The following HLA-DMB variants were observed in gnomAD, a reference collection of about 807,000 sequenced individuals.
HLA-DMB encodes HLA class II histocompatibility antigen, DM beta chain.
HLA-DMB carries 18 observed loss-of-function variants against 29.3 expected under a neutral mutation model. The ratio of observed to expected loss-of-function variants is 0.62; its 90% CI spans 0.43 to 0.91. The LOEUF is 0.91. Ranked by LOEUF, HLA-DMB falls within the 40% of genes least tolerant of loss-of-function variation. The pLI, the probability that HLA-DMB is intolerant of heterozygous loss-of-function variation, is 0.00. For missense variants in HLA-DMB, 258 were observed against 320.9 expected (o/e 0.80, Z 1.50); for synonymous variants, 143 against 128.7 (o/e 1.11, Z -0.75).
Position 32,937,244 on chromosome 6 carries a change from G to T in HLA-DMB, c.550C>A (p.Pro184Thr), listed in dbSNP as rs777377329. ...CAGGTGTAAGTGTCCCCGTAAGAGG[G>T]GGTTAAGGCTAAATGGGAGAGGGTC... is the stretch of plus-strand genomic sequence containing the variant. ...YQTLSHLALT[P>T]SYGDTYTCVV... The change falls in exon 3 of 6, where the codon CCC becomes ACC. Residue 184 changes from proline to threonine, a missense_variant. By Grantham distance (38) the Pro-to-Thr change is conservative. Transcript: ENST00000418107. The surrounding 1 kb of genome is among the most constrained non-coding windows in gnomAD (Gnocchi z 4.1). 2 of 1,614,064 alleles carry T rather than the reference G, an allele frequency of 1.2e-6. No individual in the cohort carries two copies. Among genetic ancestry groups the T allele is most frequent in the Non-Finnish European group, 1.7e-6 (2 of 1,179,964 alleles).
Position 32,937,212 on chromosome 6 carries a change from T to C in HLA-DMB, c.582A>G (p.Val194=), listed in dbSNP as rs1025281371. Residue 194 remains valine (V), a synonymous_variant, in exon 3 of 6, where the codon GTA becomes GTG. Transcript: ENST00000418107. The surrounding 1 kb of genome is among the most constrained non-coding windows in gnomAD (Gnocchi z 4.1). ...TGGGCTCAGGAGCCCCAGTGTGCTC[T>C]ACCACACAGGTGTAAGTGTCCCCGT... ...PSYGDTYTCV[V]EHTGAPEPIL... The C allele has an allele frequency of 6.2e-7, 1 of 1,610,954 alleles. No individual in the cohort carries two copies. The highest frequency in any genetic ancestry group is 1.3e-5 in the African/African-American group (1 of 74,980).
chr6:32,939,049 A>G (rs1399535458), intron 1 of HLA-DMB, 84 bp from the exon 2 acceptor site: 3 of 847,990 alleles, frequency 3.5e-6, no homozygotes, highest in East Asian at 3.3e-5. Context: ...TAATAAATAT[A>G]CACAAATAAT....
At chr6:32,935,738 T>A (rs1245101083) in intron 3 of HLA-DMB, 86 bp from the exon 4 acceptor site, 6 of 886,698 alleles carry the variant, frequency 6.8e-6, no homozygotes, top group African/African-American at 3.3e-5. Context: ...TCTCAGTGGG[T>A]TAAAAGGTCC....
chr6:32,935,913 G>A, intron 3 of HLA-DMB: 1 of 496,544 alleles, frequency 2.0e-6, no homozygotes, highest in Non-Finnish European at 3.6e-6. Flanking sequence ...AATACAGTGG[G>A]GCCTCTCAAG....
chr6:32,937,624 G>T lies in HLA-DMB; in HGVS notation c.338-168C>A, dbSNP rs1776087454. ...AGGGGAACCGTTAGAATGTATTCCT[G>T]CATTACTCTTTCTTCTCTCCCATTC... On this transcript the variant is annotated intron_variant, in intron 2 of 5. Transcript: ENST00000418107. This position sits in a 1 kb window ranked among gnomAD's most constrained non-coding sequence, Gnocchi z 4.1. 1.7e-6 allele frequency: 1 copy of T among 600,996 alleles called. No individual in the cohort carries two copies. Among genetic ancestry groups the T allele is most frequent in the Admixed American group, 3.0e-5 (1 of 33,062 alleles). 37.2% of individuals were successfully genotyped at this position (600,996 alleles called of 1,614,324 possible). A position where few individuals can be genotyped will look rare whatever the true frequency, so the allele number is the denominator to read the frequency against.
At chr6:32,935,739 TA>T in intron 3 of HLA-DMB, 87 bp from the exon 4 acceptor site, 5 of 868,814 alleles carry the variant, frequency 5.8e-6, no homozygotes, top group Non-Finnish European at 9.5e-6. Context: ...CTCAGTGGGT[TA>T]AAAGGTCCTT....
chr6:32,935,196 A>G (rs1260662533), intron 5 of HLA-DMB, 146 bp downstream of exon 5: 5 of 836,892 alleles, frequency 6.0e-6, no homozygotes, highest in Non-Finnish European at 1.0e-5. Flanking sequence ...TAATCCTAGC[A>G]ATGGCAGCTT....
intron 5 of HLA-DMB, 28 bp downstream of exon 5, chr6:32,935,314 T>C (rs981965755): frequency 3.1e-6 from 5 of 1,597,454 alleles, no homozygotes; most frequent in South Asian, 1.1e-5. Context: ...AAAGGGCAAG[T>C]AGGGAAACAG....
At chr6:32,936,962 G>A (rs921465092) in intron 3 of HLA-DMB, 7 of 404,964 alleles carry the variant, frequency 1.7e-5, no homozygotes, top group Non-Finnish European at 3.0e-5. Context: ...GCCACTGAAA[G>A]TAATGGCAAA....
intron 3 of HLA-DMB, chr6:32,936,639 T>C (rs1776013789): frequency 6.6e-6 from 1 of 152,662 alleles, no homozygotes; most frequent in African/African-American, 2.4e-5. Flanking sequence ...GCTTTACTAC[T>C]CCCGTATGCT....
At chr6:32,939,433 T>C (rs971996673) in intron 1 of HLA-DMB, among the ~76,000 whole-genome samples, 14 of 152,256 alleles carry the variant, frequency 9.2e-5, no homozygotes, top group African/African-American at 3.4e-4. Flanking sequence ...ACCCCAATTC[T>C]GTGGGGACAG....
Position 32,937,465 on chromosome 6 carries a change from G to T in HLA-DMB, c.338-9C>A. The T allele has an allele frequency of 6.2e-7, 1 of 1,604,204 alleles. No homozygotes were observed. The highest frequency in any genetic ancestry group is 8.5e-7 in the Non-Finnish European group (1 of 1,173,992). ...TTGCACAGATGGTGGCCCTGCATAGGAGAAAAAAACATGTTTAGGAAGGAG... is the reference window on the plus strand; with the variant it reads ...TTGCACAGATGGTGGCCCTGCATAGTAGAAAAAAACATGTTTAGGAAGGAG... On this transcript the variant is annotated splice_polypyrimidine_tract_variant and intron_variant, in intron 2 of 5. Coordinates refer to ENST00000418107, the MANE Select transcript of HLA-DMB (RefSeq NM_002118.5). The surrounding 1 kb of genome is among the most constrained non-coding windows in gnomAD (Gnocchi z 4.1).
rs774238503 is a variant in HLA-DMB at position 32,937,393 on chromosome 6, G to C, written c.401C>G (p.Ala134Gly). 21 of 1,614,062 alleles carry C rather than the reference G, an allele frequency of 1.3e-5. No homozygotes were observed. Among genetic ancestry groups the C allele is most frequent in the Non-Finnish European group, 1.8e-5 (21 of 1,180,032 alleles). The change falls in exon 3 of 6, where the codon GCC (alanine) becomes GGC (glycine). Residue 134 changes from alanine to glycine, a missense_variant. Transcript: ENST00000418107. This position sits in a 1 kb window ranked among gnomAD's most constrained non-coding sequence, Gnocchi z 4.1. Reference sequence around the variant, plus strand: ...TGGATAGAAGCCCCACACATAGCAGGCCAGCATCACAGGCTCCCTCGTGTT... The same window carrying C: ...TGGATAGAAGCCCCACACATAGCAGCCCAGCATCACAGGCTCCCTCGTGTT... ...PFNTREPVML[A>G]CYVWGFYPAE...
Position 32,937,647 on chromosome 6 carries a change from T to A in HLA-DMB, c.338-191A>T. 1.7e-6 allele frequency: 1 copy of A among 579,832 alleles called. No individual in the cohort carries two copies. The highest frequency in any genetic ancestry group is 3.0e-6 in the Non-Finnish European group (1 of 328,250). 35.9% of individuals were successfully genotyped at this position (579,832 alleles called of 1,614,324 possible). A position where few individuals can be genotyped will look rare whatever the true frequency, so the allele number is the denominator to read the frequency against. ...CTGCATTACTCTTTCTTCTCTCCCA[T>A]TCCTTCATTGCCCCTTTCTTTCTTT... On this transcript the variant is annotated intron_variant, in intron 2 of 5. Transcript: ENST00000418107. The surrounding 1 kb of genome is among the most constrained non-coding windows in gnomAD (Gnocchi z 4.1).
chr6:32,939,812 G>A (rs2127471353), intron 1 of HLA-DMB, among the ~76,000 whole-genome samples: 1 of 152,144 alleles, frequency 6.6e-6, no homozygotes, highest in African/African-American at 2.4e-5. Context: ...AGCCACTTTA[G>A]CAAATTACCA....
intron 4 of HLA-DMB, 37 bp from the exon 5 acceptor site, chr6:32,935,414 T>C: frequency 6.4e-7 from 1 of 1,569,586 alleles, no homozygotes; most frequent in Non-Finnish European, 8.8e-7. Flanking sequence ...CCAGTCTTTG[T>C]GGATGAAAAT....
intron 2 of HLA-DMB, 103 bp downstream of exon 2, chr6:32,938,581 T>C: frequency 1.7e-6 from 2 of 1,156,788 alleles, no homozygotes; most frequent in Non-Finnish European, 2.3e-6. Context: ...TTTTCTCTTA[T>C]TTGCTGCTCA....
At chr6:32,940,163 C>G (rs1026192268) in intron 1 of HLA-DMB, among the ~76,000 whole-genome samples, 2 of 152,058 alleles carry the variant, frequency 1.3e-5, no homozygotes, top group Non-Finnish European at 2.9e-5. Flanking sequence ...TGACATCCAG[C>G]TAGTCTGGCA....
At chr6:32,935,822 G>A (rs1775966812) in intron 3 of HLA-DMB, 170 bp from the exon 4 acceptor site, 11 of 612,750 alleles carry the variant, frequency 1.8e-5, no homozygotes, top group East Asian at 2.7e-5. Context: ...TCAAACCCTC[G>A]TCCCATGGAC....
Sources: allele counts gnomAD v4.1 joint callset (sites outside exome capture counted in the v4.1 genomes callset), GRCh38; gene constraint gnomAD v4.1.1; non-coding constraint Gnocchi (gnomAD v3.1); transcripts MANE v1.5; gene names NCBI Gene and HGNC (gene_info 2026-07-23, HGNC 2026-07-21).